Variants in GORASP2 observed in about 807,000 individuals in gnomAD.
GORASP2 encodes the protein Golgi reassembly-stacking protein 2.
A neutral mutation model predicts 45.7 loss-of-function variants in GORASP2; 22 were observed. The observed-to-expected ratio is 0.48, with a 90% CI of 0.34 to 0.69. The LOEUF is 0.69. GORASP2 is among the 30% of genes least tolerant of loss of function. The pLI is 0.01. For missense variants in GORASP2, 491 were observed against 562.7 expected (o/e 0.87, Z 1.29); for synonymous variants, 221 against 215.6 (o/e 1.02, Z -0.22).
intron 1 of GORASP2, among the ~76,000 whole-genome samples, chr2:170,934,379 C>T (rs1291343951): frequency 6.6e-6 from 1 of 151,778 alleles, no homozygotes; most frequent in East Asian, 1.9e-4. Context: ...CCTGCCTCAG[C>T]CTCCCAAGTA....
chr2:170,930,170 C>CTTAA (rs1284503509), intron 1 of GORASP2, among the ~76,000 whole-genome samples: 2 of 152,206 alleles, frequency 1.3e-5, no homozygotes, highest in Non-Finnish European at 2.9e-5. Flanking sequence ...ACAACCCTAG[C>CTTAA]TTAACTTCCA....
At chr2:170,935,797 A>T (rs1461501510) in intron 1 of GORASP2, among the ~76,000 whole-genome samples, 2 of 151,882 alleles carry the variant, frequency 1.3e-5, no homozygotes, top group Admixed American at 1.3e-4. Context: ...GCTGCCCTCG[A>T]ACTCCTGAGT....
chr2:170,960,178 C>G (rs1704522455), intron 7 of GORASP2, among the ~76,000 whole-genome samples: 1 of 152,088 alleles, frequency 6.6e-6, no homozygotes, highest in Non-Finnish European at 1.5e-5. Context: ...TTTCCTGCCC[C>G]TCATTAGAAT....
chr2:170,960,988 C>T (rs569520678), intron 7 of GORASP2, among the ~76,000 whole-genome samples: 6 of 152,282 alleles, frequency 3.9e-5, no homozygotes, highest in East Asian at 1.9e-4. Context: ...ATCAGCAAAA[C>T]GTCCCACTGG....
At chr2:170,931,867 C>A (rs996549492) in intron 1 of GORASP2, among the ~76,000 whole-genome samples, 5 of 152,112 alleles carry the variant, frequency 3.3e-5, no homozygotes, top group African/African-American at 7.2e-5. Flanking sequence ...ACTTCTTATC[C>A]CCACTCCAGA....
intron 1 of GORASP2, chr2:170,936,541 CTG>C: frequency 1.3e-6 from 1 of 771,694 alleles, no homozygotes; most frequent in Non-Finnish European, 1.9e-6. Flanking sequence ...CTTTGAGAGA[CTG>C]TACATTTCCC....
At chr2:170,936,717 A>G (rs1289775384) in intron 1 of GORASP2, 1 of 1,007,806 alleles carries the variant, frequency 9.9e-7, no homozygotes, top group East Asian at 6.0e-5. Flanking sequence ...TACTCCAATC[A>G]GGAGACTGAG....
At chr2:170,954,468 T>A (rs1704374345) in intron 5 of GORASP2, 182 bp from the exon 6 acceptor site, 1 of 576,268 alleles carries the variant, frequency 1.7e-6, no homozygotes. Flanking sequence ...TCTGCTTAGA[T>A]GACATTATCT....
chr2:170,951,404 A>G lies in GORASP2; in HGVS notation c.512A>G (p.Asp171Gly), dbSNP rs749318526. Residue 171 changes from aspartate (D) to glycine (G), a missense_variant, in exon 5 of 10, where the codon GAT becomes GGT. Transcript: ENST00000234160. ...CTGTATGTGTACAACACAGACACTG[A>G]TAACTGTCGAGAAGTGATTATTACA... ...LKLYVYNTDT[D>G]NCREVIITPN... is the part of the protein sequence containing the mutation. 6.2e-7 allele frequency: 1 copy of G among 1,611,650 alleles called. No homozygotes were observed. Among genetic ancestry groups the G allele is most frequent in the Non-Finnish European group, 8.5e-7 (1 of 1,178,378 alleles).
chr2:170,934,889 C>T (rs1703911301), intron 1 of GORASP2, among the ~76,000 whole-genome samples: 1 of 152,018 alleles, frequency 6.6e-6, no homozygotes, highest in African/African-American at 2.4e-5. Flanking sequence ...AGGTTCCTGC[C>T]ACCGTGCCCA....
intron 1 of GORASP2, among the ~76,000 whole-genome samples, chr2:170,934,851 C>T (rs1703910063): frequency 6.6e-6 from 1 of 152,108 alleles, no homozygotes; most frequent in African/African-American, 2.4e-5. Context: ...AATTCTCCTG[C>T]CTCAGCCTCC....
Position 170,966,167 on chromosome 2 carries a change from AACC to A in GORASP2, c.*40_*42del. 7.0e-7 allele frequency: 1 copy of A among 1,426,524 alleles called. No homozygotes were observed. Among genetic ancestry groups the A allele is most frequent in the Non-Finnish European group, 9.9e-7 (1 of 1,009,010 alleles). The allele number at this position is 1,426,524 out of a possible 1,614,324, so 88.4% of individuals were successfully genotyped here. ...TCTTTGGAATTGGCGTGGTATATTT[AACC>A]ACGGGAGCGTGTCTGGAAACGCAAA... On this transcript the variant is annotated 3_prime_UTR_variant, in exon 10 of 10. Transcript: ENST00000234160.
intron 1 of GORASP2, among the ~76,000 whole-genome samples, chr2:170,934,256 TTTGTTG>T (rs1002824347): frequency 2.0e-5 from 3 of 150,706 alleles, no homozygotes; most frequent in Non-Finnish European, 2.9e-5. Flanking sequence ...TGTTTTTTTT[TTTGTTG>T]TTGTTGTTGT....
intron 2 of GORASP2, 138 bp downstream of exon 2, chr2:170,948,568 T>C (rs1704228885): frequency 1.7e-6 from 1 of 576,564 alleles, no homozygotes; most frequent in Non-Finnish European, 3.0e-6. Context: ...TAATCATGTA[T>C]TAATAAACAT....
At chr2:170,943,748 C>T (rs1220009179) in intron 1 of GORASP2, among the ~76,000 whole-genome samples, 1 of 152,216 alleles carries the variant, frequency 6.6e-6, no homozygotes, top group Non-Finnish European at 1.5e-5. Context: ...TCCTGACTCA[C>T]TGTAGTCTCG....
At chr2:170,940,414 C>T (rs1559308815) in intron 1 of GORASP2, among the ~76,000 whole-genome samples, 1 of 152,132 alleles carries the variant, frequency 6.6e-6, no homozygotes, top group East Asian at 1.9e-4. Context: ...ATTCCTCCCT[C>T]CCCCAAGTGA....
Position 170,951,325 on chromosome 2 carries a change from C to T in GORASP2, c.436-3C>T. The T allele has an allele frequency of 6.3e-7, 1 of 1,589,444 alleles. No homozygotes were observed. Among genetic ancestry groups the T allele is most frequent in the Non-Finnish European group, 8.5e-7 (1 of 1,170,586 alleles). On this transcript the variant is annotated splice_polypyrimidine_tract_variant and splice_region_variant and intron_variant, in intron 4 of 9. Transcript: ENST00000234160. ...AACATTTTCTCCTGTGACACTTTTGCAGTCTGAAGATCTATTCAGCCTTAT... is the reference window on the plus strand; with the variant it reads ...AACATTTTCTCCTGTGACACTTTTGTAGTCTGAAGATCTATTCAGCCTTAT...
intron 5 of GORASP2, among the ~76,000 whole-genome samples, chr2:170,953,234 T>C (rs958739624): frequency 6.6e-6 from 1 of 152,008 alleles, no homozygotes; most frequent in African/African-American, 2.4e-5. Context: ...CATGCACCTA[T>C]AGTCCCAGCT....
At chr2:170,948,322 T>C (rs749597535) in intron 1 of GORASP2, 28 bp from the exon 2 acceptor site, 64 of 1,357,804 alleles carry the variant, frequency 4.7e-5, no homozygotes, top group Non-Finnish European at 6.5e-5. Context: ...CTTTACATTT[T>C]TTATTTTTGT....
Sources: allele counts gnomAD v4.1 joint callset (sites outside exome capture counted in the v4.1 genomes callset), GRCh38; gene constraint gnomAD v4.1.1; transcripts MANE v1.5; gene names NCBI Gene and HGNC (gene_info 2026-07-23, HGNC 2026-07-21).